The following NEK10 variants were observed in gnomAD, a reference collection of about 807,000 sequenced individuals.
NEK10 encodes the protein serine/threonine-protein kinase Nek10.
Under a neutral mutation model 159.8 loss-of-function variants are expected in NEK10, and 122 were observed. The observed-to-expected ratio is 0.76, with a 90% CI of 0.66 to 0.89. NEK10 has a LOEUF of 0.89. Ranked by LOEUF, NEK10 falls within the 40% of genes least tolerant of loss-of-function variation. NEK10 has a pLI of 0.00. For missense variants in NEK10, 1,342 were observed against 1,323.1 expected, an observed-to-expected ratio of 1.01 and a Z score of -0.22; for synonymous variants, 466 against 457.1, an observed-to-expected ratio of 1.02 and a Z score of -0.25.
chr3:27,291,442 C>T (rs1559442641), intron 17 of NEK10, 42 bp downstream of exon 17: 2 of 1,604,588 alleles, frequency 1.2e-6, no homozygotes, highest in Non-Finnish European at 1.7e-6. Flanking sequence ...TACATCCTGA[C>T]TACATAGCAG....
intron 1 of NEK10, chr3:27,363,970 A>C (rs1197526088): frequency 6.6e-6 from 1 of 152,138 alleles, no homozygotes; most frequent in East Asian, 1.9e-4. Flanking sequence ...ATTAGAAATA[A>C]CAACATGCCT....
At chr3:27,204,541 T>A (rs1339648946) in intron 23 of NEK10, among the ~76,000 whole-genome samples, 1 of 130,734 alleles carries the variant, frequency 7.6e-6, no homozygotes, top group African/African-American at 2.9e-5. Context: ...TTCCCACCTA[T>A]GAGTGAGAAT....
intron 23 of NEK10, among the ~76,000 whole-genome samples, chr3:27,217,266 A>G (rs1161863634): frequency 6.6e-6 from 1 of 152,168 alleles, no homozygotes; most frequent in African/African-American, 2.4e-5. Flanking sequence ...GTATTCGTCC[A>G]CTCTCGCATT....
At position 27,178,818 on chromosome 3, in the gene NEK10, T is replaced by C. The variant is rs145797625; in HGVS notation, c.2506-3985A>G. On this transcript the variant is annotated intron_variant, in intron 26 of 35. Coordinates refer to ENST00000691995, the MANE Select transcript of NEK10 (RefSeq NM_001394966.1). ...GGAACCTTTTCTCCAGGCCTCCCTATGGAAGACTTGGCTTTGCCACATCAG... is the reference window on the plus strand; with the variant it reads ...GGAACCTTTTCTCCAGGCCTCCCTACGGAAGACTTGGCTTTGCCACATCAG... Among the ~76,000 whole-genome samples the C allele has an allele frequency of 1.1e-3, 175 of 152,326 alleles. 2 individuals are homozygous for C. The highest frequency in any genetic ancestry group is 4.2e-3 in the African/African-American group (174 of 41,576).
chr3:27,252,826 T>C (rs995915858), intron 23 of NEK10: 2 of 475,252 alleles, frequency 4.2e-6, no homozygotes, highest in Middle Eastern at 6.5e-4. Context: ...GTTTGGTTTG[T>C]GGTAAAGCTG....
chr3:27,317,970 T>G (rs2045340103), intron 6 of NEK10, among the ~76,000 whole-genome samples: 2 of 152,026 alleles, frequency 1.3e-5, no homozygotes, highest in Admixed American at 6.6e-5. Context: ...GCCCGGCTAA[T>G]TTTTTCTATT....
chr3:27,361,745 C>G (rs2048699150), intron 1 of NEK10, among the ~76,000 whole-genome samples: 1 of 152,138 alleles, frequency 6.6e-6, no homozygotes, highest in Non-Finnish European at 1.5e-5. Flanking sequence ...ACTGAATCAA[C>G]AAATTGATGT....
intron 23 of NEK10, among the ~76,000 whole-genome samples, chr3:27,246,856 T>C (rs1955121142): frequency 6.6e-6 from 1 of 152,224 alleles, no homozygotes; most frequent in Admixed American, 6.5e-5. Flanking sequence ...TTACTTTATT[T>C]GTAGCTCTCA....
chr3:27,234,906 C>T (rs998731730), intron 23 of NEK10, among the ~76,000 whole-genome samples: 4 of 152,026 alleles, frequency 2.6e-5, no homozygotes, highest in Non-Finnish European at 4.4e-5. Context: ...GGTATTGGTA[C>T]AAGAACAGAC....
At chr3:27,311,979 C>A in intron 8 of NEK10, 120 bp downstream of exon 8, 1 of 713,436 alleles carries the variant, frequency 1.4e-6, no homozygotes, top group Non-Finnish European at 2.5e-6. Flanking sequence ...TGCTCAACAC[C>A]TGAGCTGTGT....
intron 23 of NEK10, among the ~76,000 whole-genome samples, chr3:27,245,098 G>T (rs1294219508): frequency 1.3e-5 from 2 of 151,910 alleles, no homozygotes; most frequent in Non-Finnish European, 2.9e-5. Flanking sequence ...CCCCTATTTA[G>T]CCCACTGCAT....
At chr3:27,241,426 T>C (rs1954550811) in intron 23 of NEK10, among the ~76,000 whole-genome samples, 1 of 152,162 alleles carries the variant, frequency 6.6e-6, no homozygotes, top group Non-Finnish European at 1.5e-5. Flanking sequence ...ACTTTCTGTG[T>C]CTGCAACATG....
At chr3:27,174,331 CA>C in intron 28 of NEK10, 107 bp downstream of exon 28, 1 of 1,564,480 alleles carries the variant, frequency 6.4e-7, no homozygotes, top group Non-Finnish European at 8.6e-7. Flanking sequence ...ACCTGAAAAA[CA>C]AACCACTGGG....
At chr3:27,321,968 A>G (rs1397236789) in intron 6 of NEK10, among the ~76,000 whole-genome samples, 1 of 152,216 alleles carries the variant, frequency 6.6e-6, no homozygotes, top group Non-Finnish European at 1.5e-5. Context: ...TAAGTAATAC[A>G]ACAGAAATAC....
intron 23 of NEK10, among the ~76,000 whole-genome samples, chr3:27,211,948 G>A (rs1951042877): frequency 1.3e-5 from 2 of 152,208 alleles, no homozygotes; most frequent in African/African-American, 4.8e-5. Flanking sequence ...TTGGAGGTGA[G>A]GTTGGGTAGA....
intron 30 of NEK10, among the ~76,000 whole-genome samples, chr3:27,152,579 A>C (rs1184757883): frequency 6.6e-6 from 1 of 152,134 alleles, no homozygotes; most frequent in Non-Finnish European, 1.5e-5. Context: ...CAAAAATACA[A>C]GTTAAAAAGC....
intron 5 of NEK10, among the ~76,000 whole-genome samples, chr3:27,340,182 A>C (rs1365064086): frequency 6.6e-6 from 1 of 152,214 alleles, no homozygotes; most frequent in Admixed American, 6.5e-5. Flanking sequence ...CAGCCATAAA[A>C]AAGAATGAGT....
intron 1 of NEK10, among the ~76,000 whole-genome samples, chr3:27,362,183 G>A (rs1019934179): frequency 1.2e-4 from 18 of 152,144 alleles, no homozygotes; most frequent in Non-Finnish European, 4.4e-5. Flanking sequence ...TGAACAACGG[G>A]CCTGGCCAGT....
intron 31 of NEK10, among the ~76,000 whole-genome samples, chr3:27,136,103 ATTTTTT>A (rs775843715): frequency 9.9e-5 from 6 of 60,678 alleles, no homozygotes; most frequent in Non-Finnish European, 6.2e-5. Flanking sequence ...TAGGAGATCG[ATTTTTT>A]TTTTTTTTTT....
Sources: allele counts gnomAD v4.1 joint callset (sites outside exome capture counted in the v4.1 genomes callset), GRCh38; gene constraint gnomAD v4.1.1; transcripts MANE v1.5; gene names NCBI Gene and HGNC (gene_info 2026-07-23, HGNC 2026-07-21).